The following LDAF1 variants were observed in gnomAD, a reference collection of about 807,000 sequenced individuals.
The protein encoded by LDAF1 is lipid droplet assembly factor 1, also known as PROMETHIN.
A neutral mutation model predicts 13.5 loss-of-function variants in LDAF1; 7 were observed. The observed-to-expected ratio is 0.52, with a 90% CI of 0.29 to 0.97. LDAF1 has a LOEUF of 0.97. LDAF1 is among the 50% of genes least tolerant of loss of function. LDAF1 has a pLI of 0.07. For missense variants in LDAF1, 148 were observed against 193.2 expected (o/e 0.77, Z 1.39); for synonymous variants, 69 against 77.1 (o/e 0.89, Z 0.55).
At chr16:21,174,173 T>G in intron 4 of LDAF1, 25 bp downstream of exon 4, 2 of 1,586,638 alleles carry the variant, frequency 1.3e-6, no homozygotes, top group South Asian at 1.2e-5. Flanking sequence ...ATGAAATAAT[T>G]TATTTTTTTA....
intron 1 of LDAF1, among the ~76,000 whole-genome samples, chr16:21,160,167 A>G (rs186438378): frequency 4.0e-4 from 49 of 122,706 alleles, no homozygotes; most frequent in Non-Finnish European, 5.8e-4. Flanking sequence ...CAATCTTTTA[A>G]GCATTTGTAC....
chr16:21,179,306 C>T (rs1004631238), intron 4 of LDAF1, 169 bp from the exon 5 acceptor site: 1 of 972,800 alleles, frequency 1.0e-6, no homozygotes, highest in Non-Finnish European at 1.2e-6. Flanking sequence ...TCATTTTAAC[C>T]TCCTGTGCCC....
chr16:21,169,463 T>C (rs2093064755), intron 2 of LDAF1, among the ~76,000 whole-genome samples: 1 of 152,048 alleles, frequency 6.6e-6, no homozygotes, highest in South Asian at 2.1e-4. Context: ...TATGTGCTGC[T>C]ATGCCAAGCT....
intron 3 of LDAF1, 71 bp from the exon 4 acceptor site, chr16:21,173,939 A>G: frequency 6.9e-7 from 1 of 1,454,338 alleles, no homozygotes; most frequent in South Asian, 1.3e-5. Flanking sequence ...TTTTAAACAG[A>G]CTGACCCAGG....
chr16:21,174,893 C>T (rs893140942), intron 4 of LDAF1, among the ~76,000 whole-genome samples: 1 of 152,190 alleles, frequency 6.6e-6, no homozygotes. Flanking sequence ...TCAATCCCCT[C>T]TGCTCTTGAG....
chr16:21,167,539 G>T (rs565848181), intron 2 of LDAF1, among the ~76,000 whole-genome samples: 1 of 152,196 alleles, frequency 6.6e-6, no homozygotes, highest in Admixed American at 6.5e-5. Flanking sequence ...CTTTTTGCCC[G>T]GTGAAGGAAA....
chr16:21,166,429 C>A (rs886535879), intron 2 of LDAF1, among the ~76,000 whole-genome samples: 4 of 152,156 alleles, frequency 2.6e-5, no homozygotes, highest in African/African-American at 9.7e-5. Context: ...TGAATCAAGT[C>A]TCAGCTTTAA....
intron 2 of LDAF1, among the ~76,000 whole-genome samples, chr16:21,168,960 ATAATATAT>A (rs779178678): frequency 1.2e-3 from 130 of 109,392 alleles, no homozygotes; most frequent in South Asian, 4.2e-3. Context: ...TATATATAAT[ATAATATAT>A]TATATTATAT....
intron 1 of LDAF1, chr16:21,159,543 G>A: frequency 9.0e-7 from 1 of 1,109,282 alleles, no homozygotes; most frequent in Non-Finnish European, 1.3e-6. Context: ...TTTATTTGGA[G>A]CCTTGGAAGG....
At chr16:21,161,660 A>G (rs542944281) in intron 2 of LDAF1, among the ~76,000 whole-genome samples, 2 of 152,250 alleles carry the variant, frequency 1.3e-5, no homozygotes, top group South Asian at 4.1e-4. Flanking sequence ...TGTGCAACAG[A>G]TATCATCCTT....
chr16:21,159,499 C>A (rs1034395186), intron 1 of LDAF1: 2 of 1,529,758 alleles, frequency 1.3e-6, no homozygotes, highest in African/African-American at 1.4e-5. Context: ...TAGCCGTTTT[C>A]CCCTGGAGGT....
intron 3 of LDAF1, among the ~76,000 whole-genome samples, chr16:21,171,979 C>A (rs2093092855): frequency 6.6e-6 from 1 of 151,832 alleles, no homozygotes; most frequent in African/African-American, 2.4e-5. Flanking sequence ...CTCAAGTGAT[C>A]TGCCCACCTC....
At chr16:21,173,699 C>G (rs1567200536) in intron 3 of LDAF1, among the ~76,000 whole-genome samples, 1 of 68,654 alleles carries the variant, frequency 1.5e-5, no homozygotes, top group Non-Finnish European at 2.6e-5. Context: ...GGAGGCAGAG[C>G]AAGACTGTCT....
At chr16:21,166,809 C>G (rs1278961398) in intron 2 of LDAF1, 1 of 1,533,014 alleles carries the variant, frequency 6.5e-7, no homozygotes, top group African/African-American at 1.4e-5. Context: ...TGGTGACTCC[C>G]ACGGCTCCTC....
In LDAF1 at chr16:21,161,156, C is replaced by T; in HGVS notation, c.-27C>T. ...GAATTTACTGGTAGGATAATTCATC[C>T]CTAAAGAGATTGAAGTGAGCTTCAG... On this transcript the variant is annotated 5_prime_UTR_variant, in exon 2 of 5. Coordinates refer to ENST00000233047, the MANE Select transcript of LDAF1 (RefSeq NM_001301771.2). 6.2e-7 allele frequency: 1 copy of T among 1,613,184 alleles called. No homozygotes were observed.
intron 2 of LDAF1, among the ~76,000 whole-genome samples, chr16:21,169,398 T>C (rs1049804511): frequency 5.9e-5 from 9 of 152,058 alleles, no homozygotes; most frequent in Non-Finnish European, 1.2e-4. Context: ...AACCTCAAAC[T>C]CCTGGGCTCC....
intron 4 of LDAF1, among the ~76,000 whole-genome samples, chr16:21,176,154 G>A (rs187063901): frequency 1.3e-5 from 2 of 152,312 alleles, no homozygotes; most frequent in Admixed American, 1.3e-4. Context: ...AACAGGGTGA[G>A]TTCTTAAAGA....
At chr16:21,160,907 C>T in intron 1 of LDAF1, 178 bp from the exon 2 acceptor site, 1 of 634,300 alleles carries the variant, frequency 1.6e-6, no homozygotes, top group Non-Finnish European at 2.2e-6. Flanking sequence ...GGATTATTTC[C>T]ATCATGTTCC....
intron 2 of LDAF1, among the ~76,000 whole-genome samples, chr16:21,168,779 T>G (rs1439914540): frequency 7.9e-4 from 105 of 132,454 alleles, no homozygotes; most frequent in African/African-American, 3.0e-3. Flanking sequence ...TTTTTATATT[T>G]ATATTTTTAT....
Sources: gnomAD v4.1 joint callset for allele counts (sites outside exome capture counted in the v4.1 genomes callset) on GRCh38, gnomAD v4.1.1 for gene constraint, MANE v1.5 for transcripts, NCBI Gene and HGNC (gene_info 2026-07-23, HGNC 2026-07-21) for gene names.